USP34: variants seen among roughly 807,000 people sequenced by gnomAD.
USP34 encodes ubiquitin carboxyl-terminal hydrolase 34.
In USP34, 70 loss-of-function variants were observed where a neutral mutation model predicts 460.3. That is an observed-to-expected ratio of 0.15 (90% CI 0.13 to 0.19). The LOEUF (loss-of-function observed/expected upper bound fraction) is 0.19, where lower values mean the gene tolerates loss of function less well. USP34 is among the 10% of genes least tolerant of loss of function. USP34 has a pLI of 1.00. For missense variants in USP34, 3,985 were observed against 4,236.2 expected (o/e 0.94, Z 1.65); for synonymous variants, 1,647 against 1,405.3 (o/e 1.17, Z -3.85).
At chr2:61,329,562 C>T (rs111845231) in intron 20 of USP34, among the ~76,000 whole-genome samples, 1,597 of 151,628 alleles carry the variant, frequency 0.011, 28 homozygotes, top group African/African-American at 0.037. Flanking sequence ...AATAAACTGT[C>T]AAAAAAAATT....
At position 61,325,420 on chromosome 2, in the gene USP34, A is replaced by G; in HGVS notation, c.2968T>C (p.Phe990Leu). The G allele has an allele frequency of 6.4e-7, 1 of 1,554,354 alleles. No individual in the cohort carries two copies. The highest frequency in any genetic ancestry group is 8.6e-7 in the Non-Finnish European group (1 of 1,160,240). Residue 990 changes from phenylalanine to leucine, a missense_variant, in exon 21 of 80, where the codon TTC (phenylalanine) becomes CTC (leucine). By Grantham distance (22) the Phe-to-Leu change is conservative (BLOSUM62 0). Around this residue, in one of 14 missense-constraint regions of USP34, gnomAD observed 1,114 missense variants for 1,122.5 expected, o/e 0.99. Coordinates refer to ENST00000398571, the MANE Select transcript of USP34 (RefSeq NM_014709.4). ...HSAEVQVRLQ[F>L]LTCVFSTLGS... ...AGAGTTGAAAATACACAAGTCAAGA[A>G]TTGAAGACGAACTTGAACTTCAGCA...
At chr2:61,305,062 AC>A (rs749572068) in intron 27 of USP34, among the ~76,000 whole-genome samples, 1 of 152,308 alleles carries the variant, frequency 6.6e-6, no homozygotes, top group South Asian at 2.1e-4. Flanking sequence ...GTGGTGGCTC[AC>A]GCCTGTAATC....
chr2:61,279,992 C>T (rs193211987), intron 39 of USP34, among the ~76,000 whole-genome samples: 52 of 152,204 alleles, frequency 3.4e-4, no homozygotes, highest in Middle Eastern at 3.4e-3. Context: ...GTTACATCCA[C>T]GTATCTTACT....
chr2:61,325,379 A>G lies in USP34; in HGVS notation c.3009T>C (p.His1003=). 6.5e-7 allele frequency: 1 copy of G among 1,543,740 alleles called. No homozygotes were observed. The highest frequency in any genetic ancestry group is 8.7e-7 in the Non-Finnish European group (1 of 1,152,434). The change falls in exon 21 of 80, where the codon CAT becomes CAC. Residue 1003 remains histidine (H), a synonymous_variant. Transcript: ENST00000398571. ...AGTACTGATTAAAAAACTTACTGAA[A>G]TGATCAGGTGATCCCAGAGTTGAAA... The part of the protein sequence containing the change: ...CVFSTLGSPD[H]FRLSLEQVDI...
At chr2:61,459,024 C>T (rs1222502433) in intron 1 of USP34, among the ~76,000 whole-genome samples, 1 of 152,118 alleles carries the variant, frequency 6.6e-6, no homozygotes, top group Non-Finnish European at 1.5e-5. Context: ...CGAGACTGCG[C>T]CACTGCAATC....
At chr2:61,290,148 A>G (rs929123784) in intron 33 of USP34, among the ~76,000 whole-genome samples, 3 of 152,160 alleles carry the variant, frequency 2.0e-5, no homozygotes, top group African/African-American at 7.2e-5. Flanking sequence ...AGCCACCGTG[A>G]GCTAACACTA....
chr2:61,205,473 G>C (rs937333364), intron 72 of USP34, among the ~76,000 whole-genome samples: 3 of 152,026 alleles, frequency 2.0e-5, no homozygotes, highest in African/African-American at 7.3e-5. Context: ...GCTATTTTGA[G>C]AAAGTGTAAA....
intron 31 of USP34, 57 bp downstream of exon 31, chr2:61,295,111 G>C: frequency 1.3e-6 from 2 of 1,596,842 alleles, no homozygotes; most frequent in East Asian, 2.2e-5. Context: ...ATACATTATA[G>C]AATTTTGCTC....
intron 67 of USP34, among the ~76,000 whole-genome samples, chr2:61,219,352 C>T (rs1436474547): frequency 6.6e-6 from 1 of 152,140 alleles, no homozygotes; most frequent in Admixed American, 6.6e-5. Context: ...GCCATGAATT[C>T]TTTTACTGGA....
intron 53 of USP34, among the ~76,000 whole-genome samples, chr2:61,239,263 A>G (rs2103852656): frequency 6.6e-6 from 1 of 150,952 alleles, no homozygotes; most frequent in African/African-American, 2.4e-5. Flanking sequence ...CAAAAGCTAG[A>G]AATGATTAAG....
At chr2:61,227,571 C>T (rs1019140488) in intron 61 of USP34, among the ~76,000 whole-genome samples, 8 of 151,918 alleles carry the variant, frequency 5.3e-5, no homozygotes, top group African/African-American at 1.9e-4. Flanking sequence ...ATTAGCCAGG[C>T]GTGGTGGCAC....
intron 1 of USP34, among the ~76,000 whole-genome samples, chr2:61,456,114 T>C (rs1695430907): frequency 1.3e-5 from 2 of 152,256 alleles, no homozygotes; most frequent in Non-Finnish European, 2.9e-5. Context: ...AAAAAACAAA[T>C]ATTTAAACAG....
rs1687834492 is a variant in USP34 at position 61,229,607 on chromosome 2, C to T, written c.7140G>A (p.Val2380=). Residue 2380 remains valine, a synonymous_variant, in exon 59 of 80, where the codon GTG becomes GTA. Transcript: ENST00000398571. ...RQMFQRLCIH[V]IQRLRPVHAH... ...CATGCACAGGTCTCAGCCTCTGAAT[C>T]ACATGGATACACAAACGCTGAAACA... 6.2e-7 allele frequency: 1 copy of T among 1,612,418 alleles called. No homozygotes were observed. The highest frequency in any genetic ancestry group is 1.1e-5 in the South Asian group (1 of 90,782).
chr2:61,451,437 C>A (rs886929814), intron 1 of USP34, among the ~76,000 whole-genome samples: 1 of 151,946 alleles, frequency 6.6e-6, no homozygotes, highest in Non-Finnish European at 1.5e-5. Flanking sequence ...GTAATCCCAG[C>A]ACTTCGGGAG....
intron 15 of USP34, 49 bp from the exon 16 acceptor site, chr2:61,344,078 A>T (rs1691686720): frequency 1.3e-6 from 2 of 1,571,484 alleles, no homozygotes; most frequent in South Asian, 2.3e-5. Flanking sequence ...ATGTGAATCT[A>T]ATTTGTGAAC....
At chr2:61,449,275 G>C (rs1478801636) in intron 1 of USP34, among the ~76,000 whole-genome samples, 2 of 149,518 alleles carry the variant, frequency 1.3e-5, no homozygotes, top group Non-Finnish European at 3.0e-5. Context: ...AAAAAAGTAG[G>C]AAACTACAAA....
At chr2:61,378,324 A>C in intron 8 of USP34, 39 bp downstream of exon 8, 1 of 1,398,780 alleles carries the variant, frequency 7.1e-7, no homozygotes, top group African/African-American at 1.5e-5. Flanking sequence ...CTGTACATTA[A>C]AATGGTATAC....
chr2:61,463,926 C>A (rs1223362316), intron 1 of USP34, among the ~76,000 whole-genome samples: 5 of 152,072 alleles, frequency 3.3e-5, no homozygotes, highest in Non-Finnish European at 7.4e-5. Flanking sequence ...CACATAAATT[C>A]TCTAAACCTT....
intron 8 of USP34, among the ~76,000 whole-genome samples, chr2:61,373,136 A>G (rs572392665): frequency 1.3e-5 from 2 of 152,202 alleles, no homozygotes; most frequent in Non-Finnish European, 2.9e-5. Context: ...AGTTGAATGC[A>G]TATTTAACCC....
Sources: gnomAD v4.1 joint callset for allele counts (sites outside exome capture counted in the v4.1 genomes callset) on GRCh38, gnomAD v4.1.1 for gene constraint, gnomAD v4.1.1 regional missense constraint, MANE v1.5 for transcripts, NCBI Gene and HGNC (gene_info 2026-07-23, HGNC 2026-07-21) for gene names.